The following RB1CC1 variants were observed in gnomAD, a reference collection of about 807,000 sequenced individuals.
The protein encoded by RB1CC1 is RB1-inducible coiled-coil protein 1.
RB1CC1 carries 46 observed loss-of-function variants against 177.5 expected under a neutral mutation model. The ratio of observed to expected loss-of-function variants is 0.26; its 90% confidence interval spans 0.20 to 0.33. The LOEUF is 0.33. Among genes scored for constraint, RB1CC1 ranks in the 10% least tolerant of loss-of-function variants. The probability of loss-of-function intolerance (pLI) is 1.00; values close to 1 mark genes in which losing one functional copy is unlikely to be tolerated. For synonymous variants in RB1CC1, 666 were observed against 613.6 expected, an observed-to-expected ratio of 1.09 and a Z score of -1.26; for missense variants, 1,703 against 1,816.3, an observed-to-expected ratio of 0.94 and a Z score of 1.13.
Position 52,656,394 on chromosome 8 carries a change from T to C in RB1CC1, c.3435A>G (p.Glu1145=). 6.2e-7 allele frequency: 1 copy of C among 1,610,970 alleles called. No homozygotes were observed. The highest frequency in any genetic ancestry group is 8.5e-7 in the Non-Finnish European group (1 of 1,179,304). ...QCISELISRH[E]EESNILKAEL... ...CAGCTTTAAGTATATTAGATTCTTC[T>C]TCATGTCTACTAATTAACTCGGAAA... The change falls in exon 15 of 24, where the codon GAA becomes GAG. Residue 1145 remains glutamate (E), a synonymous_variant. Coordinates refer to ENST00000025008, the MANE Select transcript of RB1CC1 (RefSeq NM_014781.5).
chr8:52,677,929 G>T (rs990178545), intron 5 of RB1CC1, among the ~76,000 whole-genome samples: 1 of 152,080 alleles, frequency 6.6e-6, no homozygotes, highest in Non-Finnish European at 1.5e-5. Flanking sequence ...TTCTTGCAGC[G>T]CATGTAGAAA....
At chr8:52,639,070 T>A (rs992590876) in intron 18 of RB1CC1, among the ~76,000 whole-genome samples, 2 of 152,170 alleles carry the variant, frequency 1.3e-5, no homozygotes, top group Admixed American at 1.3e-4. Context: ...TTTTTCAATA[T>A]GAATTCTAGC....
intron 18 of RB1CC1, among the ~76,000 whole-genome samples, chr8:52,639,388 ACT>A (rs1434546428): frequency 2.6e-5 from 4 of 151,632 alleles, no homozygotes; most frequent in Non-Finnish European, 5.9e-5. Flanking sequence ...TATGATCTAC[ACT>A]CTGATGTACT....
chr8:52,645,906 T>C (rs903498672), intron 15 of RB1CC1, 39 bp from the exon 16 acceptor site: 2 of 1,532,270 alleles, frequency 1.3e-6, no homozygotes, highest in Admixed American at 2.2e-5. Context: ...AAAAAAAAAT[T>C]ACAGACACAC....
In RB1CC1 at chr8:52,676,546, A is replaced by T; in HGVS notation, c.395T>A (p.Leu132His). 6.2e-7 allele frequency: 1 copy of T among 1,605,798 alleles called. No individual in the cohort carries two copies. Among genetic ancestry groups the T allele is most frequent in the Non-Finnish European group, 8.5e-7 (1 of 1,177,814 alleles). ...ALEMYEVAKK[L>H]CSFCEGLVHD... ...TACAAGACCTTCACAAAAAGAACAAAGTTTCTTGGCAACTTCATACATTTC... is the reference window on the plus strand; with the variant it reads ...TACAAGACCTTCACAAAAAGAACAATGTTTCTTGGCAACTTCATACATTTC... The change falls in exon 6 of 24, where the codon CTT becomes CAT. Residue 132 changes from leucine (L) to histidine (H), a missense_variant. Coordinates refer to ENST00000025008, the MANE Select transcript of RB1CC1 (RefSeq NM_014781.5).
chr8:52,688,994 G>A (rs185480788), intron 1 of RB1CC1, among the ~76,000 whole-genome samples: 1 of 152,126 alleles, frequency 6.6e-6, no homozygotes, highest in African/African-American at 2.4e-5. Context: ...AAGTTTGGGA[G>A]GGATCTCAGC....
At chr8:52,645,507 T>C (rs1849937172) in intron 16 of RB1CC1, among the ~76,000 whole-genome samples, 195 bp downstream of exon 16, 1 of 152,060 alleles carries the variant, frequency 6.6e-6, no homozygotes, top group African/African-American at 2.4e-5. Flanking sequence ...AATATTATTC[T>C]CCAGATGAGT....
At chr8:52,674,817 A>G (rs1167906318) in intron 6 of RB1CC1, among the ~76,000 whole-genome samples, 1 of 152,190 alleles carries the variant, frequency 6.6e-6, no homozygotes, top group Non-Finnish European at 1.5e-5. Flanking sequence ...ATACTAAACA[A>G]GTGAACACTA....
chr8:52,646,455 G>A (rs1438639815), intron 15 of RB1CC1, among the ~76,000 whole-genome samples: 1 of 151,618 alleles, frequency 6.6e-6, no homozygotes, highest in African/African-American at 2.4e-5. Context: ...TAAGAGATAG[G>A]TAAACTCAAC....
At chr8:52,673,129 C>T (rs1464216634) in intron 7 of RB1CC1, among the ~76,000 whole-genome samples, 2 of 152,194 alleles carry the variant, frequency 1.3e-5, no homozygotes, top group South Asian at 2.1e-4. Flanking sequence ...AACTCTTCTT[C>T]GACTGCATGC....
chr8:52,628,135 T>C lies in RB1CC1; in HGVS notation c.4533A>G (p.Leu1511=), dbSNP rs16918013. ...ACACATAATTGTCATGGCGTTCGTCTAGGATGATGAGTACCAAATCTCCCA... is the reference window on the plus strand; with the variant it reads ...ACACATAATTGTCATGGCGTTCGTCCAGGATGATGAGTACCAAATCTCCCA... ...FQVGDLVLII[L]DERHDNYVLF... is the part of the protein sequence containing the mutation. Residue 1511 remains leucine, a synonymous_variant, in exon 22 of 24, where the codon CTA becomes CTG. Coordinates refer to ENST00000025008, the MANE Select transcript of RB1CC1 (RefSeq NM_014781.5). The C allele has an allele frequency of 4.4e-3, 7,065 of 1,608,858 alleles. 306 individuals carry two copies. In the African/African-American group the frequency reaches 0.084, roughly 19 times the overall value.
At chr8:52,662,482 AT>A (rs1043931875) in intron 8 of RB1CC1, among the ~76,000 whole-genome samples, 1 of 152,046 alleles carries the variant, frequency 6.6e-6, no homozygotes, top group African/African-American at 2.4e-5. Flanking sequence ...TAATAAGGTT[AT>A]TACTACATAC....
chr8:52,694,973 G>C (rs1563456125), intron 1 of RB1CC1, among the ~76,000 whole-genome samples: 1 of 152,168 alleles, frequency 6.6e-6, no homozygotes, highest in South Asian at 2.1e-4. Flanking sequence ...TAGCTTTTTA[G>C]TAGGAGTTCC....
intron 9 of RB1CC1, 34 bp downstream of exon 9, chr8:52,661,501 A>G (rs779756797): frequency 1.1e-4 from 168 of 1,530,488 alleles, no homozygotes; most frequent in Admixed American, 3.0e-4. Flanking sequence ...ACCAATTCTA[A>G]ACATCTTAAA....
chr8:52,644,699 A>T (rs992370597), intron 16 of RB1CC1, among the ~76,000 whole-genome samples: 1 of 152,156 alleles, frequency 6.6e-6, no homozygotes. Flanking sequence ...CCTAGGCCTT[A>T]AAAATCTAAA....
Position 52,674,046 on chromosome 8 carries a change from T to G in RB1CC1, c.801A>C (p.Pro267=). 1.2e-6 allele frequency: 2 copies of G among 1,614,180 alleles called. No homozygotes were observed. Among genetic ancestry groups the G allele is most frequent in the Non-Finnish European group, 1.7e-6 (2 of 1,180,026 alleles). ...SFPKSVEHVS[P]DTADAESGKE... ...TGCCACTTTCAGCATCTGCGGTATC[T>G]GGGGACACATGTTCCACTGACTTGG... The change falls in exon 7 of 24, where the codon CCA becomes CCC. Residue 267 remains proline, a synonymous_variant. Coordinates refer to ENST00000025008, the MANE Select transcript of RB1CC1 (RefSeq NM_014781.5).
At chr8:52,709,261 T>C (rs1486456972) in intron 1 of RB1CC1, among the ~76,000 whole-genome samples, 2 of 152,172 alleles carry the variant, frequency 1.3e-5, no homozygotes, top group Non-Finnish European at 2.9e-5. Flanking sequence ...TGTTTCCAGA[T>C]GTACAGGAAT....
At chr8:52,646,320 C>A (rs983946903) in intron 15 of RB1CC1, among the ~76,000 whole-genome samples, 47 of 150,120 alleles carry the variant, frequency 3.1e-4, no homozygotes, top group Admixed American at 2.7e-3. Context: ...AAACAAACAA[C>A]AAAAAAAAAC....
At chr8:52,690,506 GACTT>G (rs1854746015) in intron 1 of RB1CC1, among the ~76,000 whole-genome samples, 1 of 152,144 alleles carries the variant, frequency 6.6e-6, no homozygotes, top group Non-Finnish European at 1.5e-5. Flanking sequence ...TAGGAAGAAC[GACTT>G]ACTTTAGATT....
Sources: gnomAD v4.1 joint callset for allele counts (sites outside exome capture counted in the v4.1 genomes callset) on GRCh38, gnomAD v4.1.1 for gene constraint, MANE v1.5 for transcripts, NCBI Gene and HGNC (gene_info 2026-07-23, HGNC 2026-07-21) for gene names.